RHBDD1: variants seen among roughly 807,000 people sequenced by gnomAD.
RHBDD1 encodes the protein rhomboid-related protein 4.
In RHBDD1, 38 loss-of-function variants were observed where a neutral mutation model predicts 36.3. The observed-to-expected ratio is 1.05, with a 90% confidence interval of 0.81 to 1.37. The LOEUF (loss-of-function observed/expected upper bound fraction) is 1.37. Ranked by LOEUF, RHBDD1 falls within the 40% of genes most tolerant of loss-of-function variation. RHBDD1 has a pLI of 0.00. For missense variants in RHBDD1, 393 were observed against 377.6 expected (o/e 1.04, Z -0.34); for synonymous variants, 151 against 136.5 (o/e 1.11, Z -0.74).
At chr2:226,886,079 T>G (rs1190358754) in intron 5 of RHBDD1, among the ~76,000 whole-genome samples, 1 of 152,196 alleles carries the variant, frequency 6.6e-6, no homozygotes, top group African/African-American at 2.4e-5. Flanking sequence ...AGACCAAGAT[T>G]GATTGTGGGT....
At chr2:226,951,952 C>T (rs1373635231) in intron 8 of RHBDD1, among the ~76,000 whole-genome samples, 2 of 152,188 alleles carry the variant, frequency 1.3e-5, no homozygotes, top group Admixed American at 6.5e-5. Context: ...AGATGTTTCT[C>T]TCAGAAATTT....
chr2:226,809,623 G>A, the RHBDD1 span, among the ~76,000 whole-genome samples: 1 of 152,012 alleles, frequency 6.6e-6, no homozygotes, highest in African/African-American at 2.4e-5. Context: ...TTAAGATTTT[G>A]AGAAAGAGAG....
chr2:226,813,956 AT>A, the RHBDD1 span, among the ~76,000 whole-genome samples: 1 of 152,050 alleles, frequency 6.6e-6, no homozygotes, highest in Non-Finnish European at 1.5e-5. Context: ...TCCTTAACCT[AT>A]TTTATTTTTC....
intron 5 of RHBDD1, chr2:226,869,351 C>T (rs1279502800): frequency 4.9e-6 from 1 of 205,066 alleles, no homozygotes; most frequent in South Asian, 1.7e-4. Flanking sequence ...CAAATAAAGA[C>T]TACGCTAAAC....
chr2:226,929,916 A>AAAAAC (rs764912279), intron 8 of RHBDD1, among the ~76,000 whole-genome samples: 30 of 152,034 alleles, frequency 2.0e-4, no homozygotes, highest in East Asian at 3.9e-4. Context: ...AAACAAAACA[A>AAAAAC]AAAACAAAAC....
At chr2:226,906,654 G>A in intron 5 of RHBDD1, 139 bp from the exon 6 acceptor site, 1 of 1,518,194 alleles carries the variant, frequency 6.6e-7, no homozygotes, top group South Asian at 1.3e-5. Flanking sequence ...TGAGTTAAAT[G>A]CTGCTTAGCA....
chr2:226,817,138 TG>T, the RHBDD1 span, among the ~76,000 whole-genome samples: 1 of 152,232 alleles, frequency 6.6e-6, no homozygotes, highest in Non-Finnish European at 1.5e-5. Flanking sequence ...TGTGTAGGTG[TG>T]CATAGTGAGC....
intron 8 of RHBDD1, among the ~76,000 whole-genome samples, chr2:226,975,203 A>G (rs189132031): frequency 1.0e-3 from 154 of 152,332 alleles, no homozygotes; most frequent in African/African-American, 3.5e-3. Context: ...GAAACTCTTC[A>G]TAACAGGACC....
At chr2:226,838,881 C>G (rs1941302924) in intron 2 of RHBDD1, among the ~76,000 whole-genome samples, 2 of 152,128 alleles carry the variant, frequency 1.3e-5, no homozygotes, top group South Asian at 4.1e-4. Context: ...TGGATGTTTA[C>G]AGCAAGGTAA....
chr2:226,926,556 A>T (rs900205540), intron 8 of RHBDD1, among the ~76,000 whole-genome samples: 4 of 152,188 alleles, frequency 2.6e-5, no homozygotes, highest in Admixed American at 6.5e-5. Context: ...TGGCACTTAC[A>T]TTTGAGGACT....
At chr2:226,939,908 C>T (rs1396124035) in intron 8 of RHBDD1, among the ~76,000 whole-genome samples, 1 of 152,006 alleles carries the variant, frequency 6.6e-6, no homozygotes, top group East Asian at 1.9e-4. Context: ...GGTAGTGGCA[C>T]AAGAATAGAC....
At chr2:226,966,726 A>G (rs1026013773) in intron 8 of RHBDD1, among the ~76,000 whole-genome samples, 10 of 152,194 alleles carry the variant, frequency 6.6e-5, no homozygotes, top group Admixed American at 6.5e-4. Context: ...CTTGTTAGAA[A>G]TGCATATTTT....
At chr2:226,935,817 C>CAGATCTAA (rs1950295048) in intron 8 of RHBDD1, among the ~76,000 whole-genome samples, 1 of 152,058 alleles carries the variant, frequency 6.6e-6, no homozygotes, top group South Asian at 2.1e-4. Flanking sequence ...TAAATTCAAA[C>CAGATCTAA]AGCTATATAA....
chr2:226,976,965 G>A (rs1275652567), intron 8 of RHBDD1, among the ~76,000 whole-genome samples: 2 of 152,196 alleles, frequency 1.3e-5, no homozygotes, highest in African/African-American at 2.4e-5. Flanking sequence ...AACAAACAGG[G>A]TGGATGGCAG....
At chr2:226,957,057 T>A (rs1951832711) in intron 8 of RHBDD1, among the ~76,000 whole-genome samples, 1 of 152,184 alleles carries the variant, frequency 6.6e-6, no homozygotes, top group South Asian at 2.1e-4. Flanking sequence ...TTGTAATAGA[T>A]CTTAGCAAAA....
At chr2:226,953,856 A>G (rs1951598553) in intron 8 of RHBDD1, among the ~76,000 whole-genome samples, 4 of 152,244 alleles carry the variant, frequency 2.6e-5, no homozygotes. Flanking sequence ...ATGAAAGCTG[A>G]CAACCTAACA....
chr2:226,811,621 G>A, the RHBDD1 span, among the ~76,000 whole-genome samples: 2 of 152,110 alleles, frequency 1.3e-5, no homozygotes, highest in Non-Finnish European at 2.9e-5. Context: ...AATTGTTGCC[G>A]GACAATATTT....
At chr2:226,963,148 T>G (rs1409685975) in intron 8 of RHBDD1, among the ~76,000 whole-genome samples, 1 of 150,044 alleles carries the variant, frequency 6.7e-6, no homozygotes, top group African/African-American at 2.5e-5. Context: ...AAATCACCCC[T>G]GGTTGAGAAC....
rs373351039 is a variant in RHBDD1, at chr2:226,914,236, G to A, written c.741G>A (p.Pro247=). Residue 247 remains proline (P), a synonymous_variant, in exon 8 of 9, where the codon CCG becomes CCA. Transcript: ENST00000392062. ...GCTCTGGATATCAGGATTATTATCC[G>A]CATGGCAGGCCAGATCACTATGAAG... ...SGSSGYQDYY[P]HGRPDHYEEA... is the part of the protein sequence containing the mutation. The A allele has an allele frequency of 1.9e-5, 31 of 1,613,444 alleles. No individual in the cohort carries two copies. The East Asian group carries it at 3.3e-4, about 17-fold the overall frequency.
Sources: gnomAD v4.1 joint callset for allele counts (sites outside exome capture counted in the v4.1 genomes callset) on GRCh38, gnomAD v4.1.1 for gene constraint, MANE v1.5 for transcripts, NCBI Gene and HGNC (gene_info 2026-07-23, HGNC 2026-07-21) for gene names.